BAIAP3: variants seen among roughly 807,000 people sequenced by gnomAD.
The protein encoded by BAIAP3 is BAI1 associated protein 3.
Under a neutral mutation model 149.7 loss-of-function variants are expected in BAIAP3, and 180 were observed. The ratio of observed to expected loss-of-function variants is 1.20; its 90% CI spans 1.07 to 1.36. BAIAP3 has a LOEUF of 1.36. BAIAP3 is among the 40% of genes most tolerant of loss of function. The probability of loss-of-function intolerance (pLI) is 0.00; values close to 1 mark genes in which losing one functional copy is unlikely to be tolerated. For missense variants in BAIAP3, 1,767 were observed against 1,563.4 expected, an observed-to-expected ratio of 1.13 and a Z score of -2.20; for synonymous variants, 845 against 670.7, an observed-to-expected ratio of 1.26 and a Z score of -4.02.
chr16:1,348,045 C>T, intron 32 of BAIAP3, 28 bp downstream of exon 32: 1 of 1,590,680 alleles, frequency 6.3e-7, no homozygotes, highest in Non-Finnish European at 8.5e-7. Context: ...CAGCCCCAGC[C>T]CCAGGCTCCA....
chr16:1,339,532 C>G lies in BAIAP3; in HGVS notation c.337C>G (p.Leu113Val), dbSNP rs2033708963. The change falls in exon 5 of 34, where the codon CTT becomes GTT. Residue 113 changes from leucine to valine, a missense_variant. By Grantham distance (32) the Leu-to-Val change is conservative (BLOSUM62 1). Transcript: ENST00000426824. Reference protein sequence around the residue: ...MLYEEALYTVLYRAGTMGPDQ... With the variant: ...MLYEEALYTVVYRAGTMGPDQ... ...CTACGAGGAGGCCCTGTACACGGTG[C>G]TTTACCGCGCGGGTACCATGGGCCC... 5 of 1,612,632 alleles carry G rather than the reference C, an allele frequency of 3.1e-6. No homozygotes were observed. The highest frequency in any genetic ancestry group is 4.2e-6 in the Non-Finnish European group (5 of 1,179,740).
At chr16:1,338,453 G>GGCCCCCC in intron 1 of BAIAP3, 87 bp from the exon 2 acceptor site, 1 of 177,274 alleles carries the variant, frequency 5.6e-6, no homozygotes, top group South Asian at 5.7e-5. Context: ...ACCTCTTCCC[G>GGCCCCCC]CCCCACCCCC....
rs2034523522 is a variant in BAIAP3, at chr16:1,348,208, G to C, written c.3262G>C (p.Gly1088Arg). 1 of 1,608,982 alleles carries C rather than the reference G, an allele frequency of 6.2e-7. No homozygotes were observed. The highest frequency in any genetic ancestry group is 8.5e-7 in the Non-Finnish European group (1 of 1,179,462). Residue 1088 changes from glycine to arginine, a missense_variant, in exon 33 of 34, where the codon GGT becomes CGT. By Grantham distance (125) the Gly-to-Arg change is moderately radical. Transcript: ENST00000426824. ...DFAGEAALGL[G>R]GVTGVARPQV... ...CGCTGGGGAGGCGGCCCTCGGCCTA[G>C]GTGGCGTCACTGGTGTCGCCCGGCC...
rs2034157787 is a variant in BAIAP3 at position 1,344,312 on chromosome 16, C to T, written c.1597C>T (p.Leu533=). Residue 533 remains leucine, a synonymous_variant, in exon 17 of 34, where the codon CTG becomes TTG. Transcript: ENST00000426824. ...GCTGAACATGGACATTGCTGCGGCCCTGAAGGTGTGTTCCAAAGCCCAGTG... is the reference window on the plus strand; with the variant it reads ...GCTGAACATGGACATTGCTGCGGCCTTGAAGGTGTGTTCCAAAGCCCAGTG... The part of the protein sequence containing the change: ...SELNMDIAAA[L]KRGNREWYDR... 1 of 1,613,722 alleles carries T rather than the reference C, an allele frequency of 6.2e-7. No individual in the cohort carries two copies. The highest frequency in any genetic ancestry group is 1.3e-5 in the African/African-American group (1 of 74,924).
At chr16:1,341,043 G>A in intron 6 of BAIAP3, 62 bp downstream of exon 6, 4 of 1,610,794 alleles carry the variant, frequency 2.5e-6, no homozygotes, top group African/African-American at 1.3e-5. Context: ...GGGGGCACGG[G>A]GCAAGGCCCT....
intron 1 of BAIAP3, among the ~76,000 whole-genome samples, chr16:1,336,921 C>T (rs147584646): frequency 6.6e-6 from 1 of 152,160 alleles, no homozygotes; most frequent in East Asian, 1.9e-4. Context: ...AAGGCCAGGA[C>T]CCCGGGGGGC....
Position 1,347,827 on chromosome 16 carries a change from T to C in BAIAP3, c.3025+6T>C, listed in dbSNP as rs750504465. ...GCTCCCCCTGGACGCCAACGGTGAG[T>C]TGCAGCGGGGACGGGTCGGGTGGTG... On this transcript the variant is annotated splice_donor_region_variant and intron_variant, in intron 31 of 33. Transcript: ENST00000426824. 2 of 1,603,470 alleles carry C rather than the reference T, an allele frequency of 1.2e-6. No homozygotes were observed. Among genetic ancestry groups the C allele is most frequent in the East Asian group, 2.2e-5 (1 of 44,632 alleles).
In BAIAP3 at chr16:1,344,527, T is replaced by G; in HGVS notation, c.1659+2T>G. 6.2e-7 allele frequency: 1 copy of G among 1,612,634 alleles called. No individual in the cohort carries two copies. Among genetic ancestry groups the G allele is most frequent in the South Asian group, 1.1e-5 (1 of 91,030 alleles). On this transcript the variant is annotated splice_donor_variant, in intron 18 of 33. Transcript: ENST00000426824. LOFTEE classifies it high-confidence loss of function. ...AATGACAAGAGTCCCCGAGAGCAGG[T>G]GCAGTTGTGGGGGACCCTGGCCATG...
At chr16:1,340,127 G>A (rs1278782556) in intron 5 of BAIAP3, among the ~76,000 whole-genome samples, 5 of 82,646 alleles carry the variant, frequency 6.0e-5, no homozygotes, top group African/African-American at 1.4e-4. Context: ...GCACACAGAT[G>A]CACAGGCACA....
Position 1,342,626 on chromosome 16 carries a change from A to G in BAIAP3, c.1057A>G (p.Thr353Ala). Residue 353 changes from threonine to alanine, a missense_variant, in exon 12 of 34, where the codon ACT becomes GCT. Thr to Ala is a moderately conservative substitution (Grantham distance 58). Coordinates refer to ENST00000426824, the MANE Select transcript of BAIAP3 (RefSeq NM_001199097.2). ...GHCHLVLKLITTQRDTAMSQR... is the reference protein window; with the variant it reads ...GHCHLVLKLIATQRDTAMSQR... Reference sequence around the variant, plus strand: ...CTGCCACCTGGTTCTCAAGCTGATCACTACGCAGGTGGGGAAAGTGGGCGT... The same window carrying G: ...CTGCCACCTGGTTCTCAAGCTGATCGCTACGCAGGTGGGGAAAGTGGGCGT... 1 of 1,583,556 alleles carries G rather than the reference A, an allele frequency of 6.3e-7. No individual in the cohort carries two copies. Among genetic ancestry groups the G allele is most frequent in the Non-Finnish European group, 8.6e-7 (1 of 1,165,522 alleles).
At position 1,348,176 on chromosome 16, in the gene BAIAP3, A is replaced by C. The variant is rs758171165; in HGVS notation, c.3230A>C (p.Asn1077Thr). ...TVMDHDWLST[N>T]DFAGEAALGL... ...ATGGACCACGACTGGCTGTCCACCA[A>C]CGACTTCGCTGGGGAGGCGGCCCTC... Residue 1077 changes from asparagine to threonine, a missense_variant, in exon 33 of 34, where the codon AAC (asparagine) becomes ACC (threonine). By Grantham distance (65) the Asn-to-Thr change is moderately conservative. Coordinates refer to ENST00000426824, the MANE Select transcript of BAIAP3 (RefSeq NM_001199097.2). 9 of 1,609,094 alleles carry C rather than the reference A, an allele frequency of 5.6e-6. No individual in the cohort carries two copies. The highest frequency in any genetic ancestry group is 5.5e-5 in the South Asian group (5 of 91,084).
chr16:1,345,089 A>G lies in BAIAP3; in HGVS notation c.1930A>G (p.Ile644Val). The change falls in exon 21 of 34, where the codon ATC becomes GTC. Residue 644 changes from isoleucine (I) to valine (V), a missense_variant. Physicochemically the swap from Ile to Val is conservative, Grantham distance 29 (BLOSUM62 3). Transcript: ENST00000426824. ...TGACCTCCAGCGCTTCTGGGATAGCATCCCTGGCCGGTGGGTGCCCCGTCC... is the reference window on the plus strand; with the variant it reads ...TGACCTCCAGCGCTTCTGGGATAGCGTCCCTGGCCGGTGGGTGCCCCGTCC... The part of the protein sequence containing the change: ...LADLQRFWDS[I>V]PGRDSRSLAL... 1 of 1,612,536 alleles carries G rather than the reference A, an allele frequency of 6.2e-7. No individual in the cohort carries two copies. Among genetic ancestry groups the G allele is most frequent in the Non-Finnish European group, 8.5e-7 (1 of 1,179,974 alleles).
chr16:1,338,987 G>A lies in BAIAP3; in HGVS notation c.217G>A (p.Glu73Lys), dbSNP rs770795319. The change falls in exon 3 of 34, where the codon GAG becomes AAG. Residue 73 changes from glutamate (E) to lysine (K), a missense_variant and splice_region_variant. Glu to Lys is a moderately conservative substitution (Grantham distance 56). Coordinates refer to ENST00000426824, the MANE Select transcript of BAIAP3 (RefSeq NM_001199097.2). ...GEGRQGLPCL[E>K]VPLRSGSPAP... ...AGGCAGACAGGGCTTGCCGTGCCTC[G>A]AGGTAAGGGTGCCACCCCCAGGGCC... 8.1e-6 allele frequency: 13 copies of A among 1,612,690 alleles called. No individual in the cohort carries two copies. Among genetic ancestry groups the A allele is most frequent in the South Asian group, 1.1e-5 (1 of 91,070 alleles).
rs1239967529 is a variant in BAIAP3 at position 1,348,920 on chromosome 16, CA to C, written c.*439del. ...CACAGCTGGGGAGTGAAAAGGGTGC[CA>C]CTGGCACCACTGGGTGGATGGTCCA... On this transcript the variant is annotated 3_prime_UTR_variant, in exon 34 of 34. Coordinates refer to ENST00000426824, the MANE Select transcript of BAIAP3 (RefSeq NM_001199097.2). 13 of 260,756 alleles carry C rather than the reference CA, an allele frequency of 5.0e-5. No individual in the cohort carries two copies. Among genetic ancestry groups the C allele is most frequent in the South Asian group, 2.9e-4 (6 of 20,376 alleles). 16.2% of individuals were successfully genotyped at this position (260,756 alleles called of 1,614,324 possible).
chr16:1,348,037 GCC>G lies in BAIAP3; in HGVS notation c.3149+23_3149+24del. ...CTACTTGTGAGTGTCCTAAGCCCCA[GCC>G]CCAGCCCCAGGCTCCAGGCTGCCGG... On this transcript the variant is annotated intron_variant, in intron 32 of 33. Coordinates refer to ENST00000426824, the MANE Select transcript of BAIAP3 (RefSeq NM_001199097.2). 3 of 1,598,772 alleles carry G rather than the reference GCC, an allele frequency of 1.9e-6. No individual in the cohort carries two copies. Among genetic ancestry groups the G allele is most frequent in the Non-Finnish European group, 2.5e-6 (3 of 1,177,580 alleles).
At chr16:1,346,976 C>T (rs1567172822) in intron 28 of BAIAP3, 21 bp downstream of exon 28, 7 of 1,568,050 alleles carry the variant, frequency 4.5e-6, no homozygotes, top group East Asian at 4.6e-5. Flanking sequence ...GTGAAGGAGT[C>T]CTCCCCGCCG....
chr16:1,337,979 C>G (rs528088642), intron 1 of BAIAP3, among the ~76,000 whole-genome samples: 1 of 152,316 alleles, frequency 6.6e-6, no homozygotes, highest in South Asian at 2.1e-4. Context: ...GCAGTCCCCT[C>G]CAGGGCCTCC....
chr16:1,341,524 G>A lies in BAIAP3; in HGVS notation c.731+35G>A, dbSNP rs375996011. ...TCGCCCGTCTGGGTGCGGGAGGGGG[G>A]CTCTGCCTGGGGTCCAGAGCTGGGC... is the stretch of plus-strand genomic sequence containing the variant. On this transcript the variant is annotated intron_variant, in intron 8 of 33. Transcript: ENST00000426824. The A allele has an allele frequency of 1.9e-5, 30 of 1,584,722 alleles. No homozygotes were observed. In the African/African-American group the frequency reaches 2.8e-4, roughly 15 times the overall value.
At position 1,346,489 on chromosome 16, in the gene BAIAP3, T is replaced by G. The variant is rs751204952; in HGVS notation, c.2541T>G (p.Pro847=). 6 of 1,611,828 alleles carry G rather than the reference T, an allele frequency of 3.7e-6. No homozygotes were observed. The highest frequency in any genetic ancestry group is 5.1e-6 in the Non-Finnish European group (6 of 1,179,464). Residue 847 remains proline, a synonymous_variant, in exon 26 of 34, where the codon CCT becomes CCG. Transcript: ENST00000426824. The part of the protein sequence containing the change: ...RKYVQHISLS[P]DSIQNDEAVA... ...ATGTACAGCACATCAGTCTCTCGCC[T>G]GACTCCATCCAGAACGATGAGGTGA...
Sources: allele counts gnomAD v4.1 joint callset (sites outside exome capture counted in the v4.1 genomes callset), GRCh38; gene constraint gnomAD v4.1.1; transcripts MANE v1.5; gene names NCBI Gene and HGNC (gene_info 2026-07-23, HGNC 2026-07-21).